Variants in ADCY5 observed in about 807,000 individuals in gnomAD.
The protein encoded by ADCY5 is adenylate cyclase type 5.
In ADCY5, 30 loss-of-function variants were observed where a neutral mutation model predicts 119.7. The observed-to-expected ratio is 0.25, with a 90% CI of 0.19 to 0.34. ADCY5 has a LOEUF of 0.34. Among genes scored for constraint, ADCY5 ranks in the 10% least tolerant of loss-of-function variants. The pLI, the probability that ADCY5 is intolerant of heterozygous loss-of-function variation, is 1.00. For synonymous variants in ADCY5, 753 were observed against 762.2 expected, an observed-to-expected ratio of 0.99 and a Z score of 0.20; for missense variants, 1,324 against 1,775.2, an observed-to-expected ratio of 0.75 and a Z score of 4.57.
intron 1 of ADCY5, among the ~76,000 whole-genome samples, chr3:123,364,372 T>C (rs1050046555): frequency 3.3e-5 from 5 of 152,028 alleles, no homozygotes; most frequent in African/African-American, 2.4e-5. Flanking sequence ...AGATTCAAAA[T>C]AGAAAAAGGA....
In ADCY5 at chr3:123,284,237, C is replaced by G. The variant is rs1014650250; in HGVS notation, c.*371G>C. On this transcript the variant is annotated 3_prime_UTR_variant, in exon 21 of 21. Coordinates refer to ENST00000462833, the MANE Select transcript of ADCY5 (RefSeq NM_183357.3). ...GGCCACATTCGAGCCCGTCTACCCCCAGCTGAGTCGGAGGCCCCTCAGCCC... is the reference window on the plus strand; with the variant it reads ...GGCCACATTCGAGCCCGTCTACCCCGAGCTGAGTCGGAGGCCCCTCAGCCC... The G allele has an allele frequency of 1.5e-5, 3 of 198,534 alleles. No individual in the cohort carries two copies. Among genetic ancestry groups the G allele is most frequent in the African/African-American group, 4.7e-5 (2 of 42,882 alleles). 12.3% of individuals were successfully genotyped at this position (198,534 alleles called of 1,614,324 possible).
At chr3:123,441,514 G>A (rs1945720811) in intron 1 of ADCY5, among the ~76,000 whole-genome samples, 1 of 152,150 alleles carries the variant, frequency 6.6e-6, no homozygotes, top group South Asian at 2.1e-4. Context: ...ACCTAGAGCT[G>A]AGACCTGTCT....
intron 1 of ADCY5, among the ~76,000 whole-genome samples, chr3:123,391,859 G>A (rs947343059): frequency 6.6e-5 from 10 of 152,180 alleles, no homozygotes; most frequent in African/African-American, 2.4e-4. Context: ...TTCGCCTGGG[G>A]TGGCCGGTGG....
intron 1 of ADCY5, among the ~76,000 whole-genome samples, chr3:123,365,514 C>A (rs757421421): frequency 7.2e-5 from 11 of 152,180 alleles, no homozygotes; most frequent in Non-Finnish European, 1.5e-4. Context: ...CCAAGCAAGG[C>A]ATCTGCAAGG....
At position 123,448,796 on chromosome 3, in the gene ADCY5, G is replaced by A; in HGVS notation, c.-251C>T. On this transcript the variant is annotated 5_prime_UTR_variant, in exon 1 of 21. Coordinates refer to ENST00000462833, the MANE Select transcript of ADCY5 (RefSeq NM_183357.3). ...AGGTCCGAAATGGAGTTGCCTCCGAGGTGGGGTCGCAGGGACTGGTCTGGC... is the reference window on the plus strand; with the variant it reads ...AGGTCCGAAATGGAGTTGCCTCCGAAGTGGGGTCGCAGGGACTGGTCTGGC... The A allele has an allele frequency of 2.6e-6, 1 of 378,908 alleles. No homozygotes were observed. Among genetic ancestry groups the A allele is most frequent in the Admixed American group, 4.6e-5 (1 of 21,972 alleles). 23.5% of individuals were successfully genotyped at this position (378,908 alleles called of 1,614,324 possible).
At chr3:123,287,178 C>T (rs924832037) in intron 19 of ADCY5, 7 of 177,014 alleles carry the variant, frequency 4.0e-5, no homozygotes, top group South Asian at 1.5e-4. Flanking sequence ...TTTCTTTCCT[C>T]GCCATTCTCA....
chr3:123,406,522 T>C (rs1226187615), intron 1 of ADCY5, among the ~76,000 whole-genome samples: 1 of 152,226 alleles, frequency 6.6e-6, no homozygotes, highest in Non-Finnish European at 1.5e-5. Context: ...ACAGAGATTA[T>C]TGTCTGGTGC....
intron 1 of ADCY5, among the ~76,000 whole-genome samples, chr3:123,434,221 A>G (rs376030136): frequency 6.6e-6 from 1 of 152,198 alleles, no homozygotes; most frequent in African/African-American, 2.4e-5. Flanking sequence ...CTAACTAGCA[A>G]TGTAACCTGA....
Position 123,438,116 on chromosome 3 carries a change from A to G in ADCY5, c.1134+9296T>C, listed in dbSNP as rs534046584. ...GAGGCAAGGGGCTAGATCTTGAGAA[A>G]CTTCAAGGCTCCTCCCAGCCCCTGA... On this transcript the variant is annotated intron_variant, in intron 1 of 20. Transcript: ENST00000462833. 3.3e-5 allele frequency among the ~76,000 whole-genome samples: 5 copies of G among 152,114 alleles called. No homozygotes were observed. The East Asian group carries it at 9.7e-4, about 29-fold the overall frequency.
intron 1 of ADCY5, among the ~76,000 whole-genome samples, chr3:123,418,595 C>T (rs1169955914): frequency 1.3e-5 from 2 of 152,166 alleles, no homozygotes; most frequent in Non-Finnish European, 2.9e-5. Flanking sequence ...AGGAACGAAT[C>T]CAGCCTCAGC....
At chr3:123,295,992 C>T (rs879938595) in intron 17 of ADCY5, 92 bp downstream of exon 17, 34 of 1,546,590 alleles carry the variant, frequency 2.2e-5, no homozygotes, top group Non-Finnish European at 3.0e-5. Context: ...AGACGAAGGC[C>T]CGGCTTGGCC....
At chr3:123,335,628 G>T (rs1269606667) in intron 3 of ADCY5, among the ~76,000 whole-genome samples, 1 of 152,110 alleles carries the variant, frequency 6.6e-6, no homozygotes, top group Non-Finnish European at 1.5e-5. Flanking sequence ...GGACCCCTGG[G>T]AGCTGCTGCT....
At chr3:123,343,951 C>T (rs1323916482) in intron 3 of ADCY5, among the ~76,000 whole-genome samples, 1 of 152,204 alleles carries the variant, frequency 6.6e-6, no homozygotes, top group African/African-American at 2.4e-5. Context: ...TGGCCTCTGG[C>T]CTGCGTCTGC....
chr3:123,386,859 C>G (rs1181479679), intron 1 of ADCY5, among the ~76,000 whole-genome samples: 1 of 152,176 alleles, frequency 6.6e-6, no homozygotes, highest in Non-Finnish European at 1.5e-5. Context: ...GCAAATGACC[C>G]AAGGTCTTAA....
intron 1 of ADCY5, among the ~76,000 whole-genome samples, chr3:123,437,935 C>T (rs531586178): frequency 6.6e-6 from 1 of 152,270 alleles, no homozygotes; most frequent in South Asian, 2.1e-4. Flanking sequence ...CCTGCCAGCC[C>T]CCTCAATTTA....
intron 1 of ADCY5, among the ~76,000 whole-genome samples, chr3:123,423,260 C>G (rs1335585484): frequency 1.3e-5 from 2 of 152,222 alleles, no homozygotes; most frequent in Non-Finnish European, 2.9e-5. Context: ...GCTCCACTGG[C>G]TATCAGGCTT....
At position 123,304,176 on chromosome 3, in the gene ADCY5, G is replaced by A. The variant is rs774347460; in HGVS notation, c.2450C>T (p.Pro817Leu). The change falls in exon 13 of 21, where the codon CCC becomes CTC. Residue 817 changes from proline (P) to leucine (L), a missense_variant. This residue lies in a region of ADCY5 where 424 missense variants were observed against 546.8 expected (regional missense o/e 0.78). Transcript: ENST00000462833. ...SVIYSCVKLF[P>L]SPLQTLSRKI... ...CCTGGAGAGGGTCTGCAGTGGGGAG[G>A]GGAAGAGCTAGGGTGGGGGCAGGGG... is the stretch of plus-strand genomic sequence containing the variant. 4 of 1,602,724 alleles carry A rather than the reference G, an allele frequency of 2.5e-6. No homozygotes were observed. The highest frequency in any genetic ancestry group is 3.4e-6 in the Non-Finnish European group (4 of 1,170,126).
intron 1 of ADCY5, among the ~76,000 whole-genome samples, chr3:123,433,247 G>A (rs1576694214): frequency 6.6e-6 from 1 of 152,328 alleles, no homozygotes; most frequent in East Asian, 1.9e-4. Context: ...TGCTCACCCA[G>A]GACTCAGCTC....
rs188247888 is a variant in ADCY5 at position 123,382,268 on chromosome 3, T to C, written c.1135-29687A>G. Among the ~76,000 whole-genome samples, 22 of 152,306 alleles carry C rather than the reference T, an allele frequency of 1.4e-4. No homozygotes were observed. The East Asian group carries it at 4.2e-3, about 29-fold the overall frequency. ...CACTTCATCCAGCCTTTTAAAAAAG[T>C]ATGAAGTGTTGGTGAGAATGGAGAA... On this transcript the variant is annotated intron_variant, in intron 1 of 20. Coordinates refer to ENST00000462833, the MANE Select transcript of ADCY5 (RefSeq NM_183357.3).
Sources: gnomAD v4.1 joint callset for allele counts (sites outside exome capture counted in the v4.1 genomes callset) on GRCh38, gnomAD v4.1.1 for gene constraint, gnomAD v4.1.1 regional missense constraint, MANE v1.5 for transcripts, NCBI Gene and HGNC (gene_info 2026-07-23, HGNC 2026-07-21) for gene names.